TBCK: variants seen among roughly 807,000 people sequenced by gnomAD.
TBCK encodes the protein TBC domain-containing protein kinase-like protein.
TBCK carries 99 observed loss-of-function variants against 113.4 expected under a neutral mutation model. The observed-to-expected ratio is 0.87, with a 90% CI of 0.74 to 1.03. The LOEUF (loss-of-function observed/expected upper bound fraction) is 1.03, where lower values mean the gene tolerates loss of function less well. Among genes scored for constraint, TBCK ranks in the 50% least tolerant of loss-of-function variants. The probability of loss-of-function intolerance (pLI) is 0.00; values close to 1 mark genes in which losing one functional copy is unlikely to be tolerated. For missense variants in TBCK, 1,045 were observed against 1,061.3 expected (o/e 0.98, Z 0.21); for synonymous variants, 369 against 370.8 (o/e 1.00, Z 0.05).
rs1206158912 is a variant in TBCK at position 106,247,482 on chromosome 4, T to A, written c.783-195A>T. 4 of 504,770 alleles carry A rather than the reference T, an allele frequency of 7.9e-6. No individual in the cohort carries two copies. In the South Asian group the frequency reaches 8.4e-5, roughly 11 times the overall value. The allele number at this position is 504,770 out of a possible 1,614,324, so 31.3% of individuals were successfully genotyped here. On this transcript the variant is annotated intron_variant, in intron 9 of 25. Coordinates refer to ENST00000394708, the MANE Select transcript of TBCK (RefSeq NM_001163435.3). ...TAACTGTGAGTAAATACTGAATTTT[T>A]TTTACTTATGTTGTACTTTACCTCA...
chr4:106,053,123 T>A (rs1050118517), intron 25 of TBCK, among the ~76,000 whole-genome samples: 4 of 151,654 alleles, frequency 2.6e-5, no homozygotes, highest in Admixed American at 2.6e-4. Context: ...TGTCTATCCA[T>A]CTGTTCATCC....
At chr4:106,316,363 G>A (rs1349398028), upstream of TBCK, 2 of 611,996 alleles carry the variant, frequency 3.3e-6, no homozygotes, top group Non-Finnish European at 5.9e-6. Context: ...GGACGGGGGG[G>A]GTCGATTGAA....
At chr4:106,239,889 G>A (rs1387861595) in intron 12 of TBCK, among the ~76,000 whole-genome samples, 1 of 151,812 alleles carries the variant, frequency 6.6e-6, no homozygotes, top group Non-Finnish European at 1.5e-5. Flanking sequence ...TATGAGACTA[G>A]TATACCCCTG....
intron 2 of TBCK, among the ~76,000 whole-genome samples, chr4:106,298,874 A>T (rs986907713): frequency 6.6e-6 from 1 of 152,212 alleles, no homozygotes; most frequent in African/African-American, 2.4e-5. Flanking sequence ...TAAACAGAAG[A>T]AACACGTTCT....
intron 5 of TBCK, chr4:106,255,081 GAC>G: frequency 3.3e-6 from 1 of 302,276 alleles, no homozygotes; most frequent in Non-Finnish European, 6.6e-6. Flanking sequence ...AAGATATAAA[GAC>G]AGGTTGTAGA....
chr4:106,120,141 T>G (rs1275590093), intron 23 of TBCK, among the ~76,000 whole-genome samples: 1 of 152,130 alleles, frequency 6.6e-6, no homozygotes, highest in Non-Finnish European at 1.5e-5. Flanking sequence ...GGGCAAGGCA[T>G]TGCCTCACTG....
intron 19 of TBCK, among the ~76,000 whole-genome samples, chr4:106,229,684 C>A (rs992656878): frequency 3.3e-5 from 5 of 151,934 alleles, no homozygotes; most frequent in Non-Finnish European, 4.4e-5. Flanking sequence ...GTGATTCCTC[C>A]AGTTTTGTTC....
intron 23 of TBCK, among the ~76,000 whole-genome samples, chr4:106,120,478 C>T (rs886789797): frequency 7.9e-5 from 12 of 152,174 alleles, no homozygotes; most frequent in Non-Finnish European, 1.3e-4. Flanking sequence ...CTCAAGGAGG[C>T]CTGCCTGCCT....
intron 23 of TBCK, among the ~76,000 whole-genome samples, chr4:106,162,876 A>T (rs1252738812): frequency 6.6e-6 from 1 of 152,152 alleles, no homozygotes; most frequent in Non-Finnish European, 1.5e-5. Flanking sequence ...CATGCCCTGG[A>T]GACATTTTCC....
intron 24 of TBCK, among the ~76,000 whole-genome samples, chr4:106,105,744 A>G (rs1476359631): frequency 6.8e-6 from 1 of 148,138 alleles, no homozygotes; most frequent in Non-Finnish European, 1.5e-5. Context: ...TATCCAGAAA[A>G]TAAGTCTATT....
rs1308747425 is a variant in TBCK, at chr4:106,062,716, A to G, written c.2572-16036T>C. Among the ~76,000 whole-genome samples the G allele has an allele frequency of 2.0e-5, 3 of 151,848 alleles. No homozygotes were observed. The East Asian group carries it at 5.8e-4, about 29-fold the overall frequency. On this transcript the variant is annotated intron_variant, in intron 25 of 25. Transcript: ENST00000394708. ...GTGGAGTACAGGGTGGGTATGTAGA[A>G]TAACACATATTGAGACAAGATAACT...
At chr4:106,171,418 T>C in intron 22 of TBCK, 148 bp from the exon 23 acceptor site, 1 of 605,392 alleles carries the variant, frequency 1.7e-6, no homozygotes, top group Non-Finnish European at 2.8e-6. Flanking sequence ...AAACAATGTA[T>C]ATATTAATCA....
chr4:106,198,347 T>G (rs1233241988), intron 20 of TBCK, among the ~76,000 whole-genome samples: 1 of 152,158 alleles, frequency 6.6e-6, no homozygotes, highest in Non-Finnish European at 1.5e-5. Flanking sequence ...TAAAGTAGTA[T>G]TATTATTAAT....
intron 23 of TBCK, among the ~76,000 whole-genome samples, chr4:106,153,087 ATTCTT>A (rs1234589467): frequency 1.3e-5 from 2 of 151,462 alleles, no homozygotes; most frequent in African/African-American, 4.8e-5. Context: ...TCTTTTCCTT[ATTCTT>A]TTCTTCTAGT....
At chr4:106,064,177 T>C (rs1736366784) in intron 25 of TBCK, among the ~76,000 whole-genome samples, 1 of 151,848 alleles carries the variant, frequency 6.6e-6, no homozygotes, top group Admixed American at 6.6e-5. Flanking sequence ...GTTGTTACCT[T>C]ATTTTAAAAA....
chr4:106,102,558 A>C (rs1741677474), intron 24 of TBCK, among the ~76,000 whole-genome samples: 5 of 152,124 alleles, frequency 3.3e-5, no homozygotes. Context: ...CCCTGTCATA[A>C]GCAACCACTT....
At chr4:106,239,483 AAAC>A (rs1759844385) in intron 12 of TBCK, among the ~76,000 whole-genome samples, 1 of 152,082 alleles carries the variant, frequency 6.6e-6, no homozygotes, top group Non-Finnish European at 1.5e-5. Context: ...TGGAGGAAAA[AAAC>A]AAAACAGGAT....
chr4:106,291,596 A>T (rs968042387), intron 3 of TBCK, among the ~76,000 whole-genome samples: 1 of 152,248 alleles, frequency 6.6e-6, no homozygotes, highest in Non-Finnish European at 1.5e-5. Flanking sequence ...AAAAGAAAAA[A>T]ACATGAACAC....
At chr4:106,242,954 T>C (rs781393569) in intron 11 of TBCK, among the ~76,000 whole-genome samples, 33 of 148,280 alleles carry the variant, frequency 2.2e-4, no homozygotes, top group Non-Finnish European at 3.6e-4. Context: ...TGAGTGAGAA[T>C]ATGCGGTGTT....
Sources: gnomAD v4.1 joint callset for allele counts (sites outside exome capture counted in the v4.1 genomes callset) on GRCh38, gnomAD v4.1.1 for gene constraint, MANE v1.5 for transcripts, NCBI Gene and HGNC (gene_info 2026-07-23, HGNC 2026-07-21) for gene names.